MYO3A: variants seen among roughly 807,000 people sequenced by gnomAD.
The protein encoded by MYO3A is myosin-IIIa.
In MYO3A, 180 loss-of-function variants were observed where a neutral mutation model predicts 192.7. The ratio of observed to expected loss-of-function variants is 0.93; its 90% CI spans 0.83 to 1.06. The LOEUF is 1.06. MYO3A is among the 50% of genes least tolerant of loss of function. The pLI, the probability that MYO3A is intolerant of heterozygous loss-of-function variation, is 0.00. For synonymous variants in MYO3A, 628 were observed against 645.3 expected, an observed-to-expected ratio of 0.97 and a Z score of 0.41; for missense variants, 1,896 against 1,905.0, an observed-to-expected ratio of 1.00 and a Z score of 0.09.
chr10:26,053,038 T>C (rs1844097266), intron 10 of MYO3A, among the ~76,000 whole-genome samples: 1 of 152,162 alleles, frequency 6.6e-6, no homozygotes, highest in South Asian at 2.1e-4. Flanking sequence ...GGATTCCGAC[T>C]TTGCTTTTTC....
chr10:26,013,802 A>G (rs1841817884), intron 6 of MYO3A, among the ~76,000 whole-genome samples: 1 of 152,156 alleles, frequency 6.6e-6, no homozygotes, highest in Non-Finnish European at 1.5e-5. Context: ...AAGTCATTAT[A>G]TGAAAAAGAC....
chr10:26,031,981 ATGT>A (rs1842820837), intron 10 of MYO3A, among the ~76,000 whole-genome samples: 1 of 152,246 alleles, frequency 6.6e-6, no homozygotes, highest in South Asian at 2.1e-4. Context: ...TATTATTAAC[ATGT>A]TAACATCTTA....
At chr10:26,109,180 A>C (rs1487768330) in intron 17 of MYO3A, among the ~76,000 whole-genome samples, 1 of 152,204 alleles carries the variant, frequency 6.6e-6, no homozygotes, top group African/African-American at 2.4e-5. Flanking sequence ...CAAGTTGCCC[A>C]CTCTAACTTA....
intron 34 of MYO3A, among the ~76,000 whole-genome samples, chr10:26,208,594 T>A (rs868112429): frequency 3.6e-4 from 55 of 152,284 alleles, no homozygotes; most frequent in African/African-American, 1.3e-3. Context: ...AAAACAGAAA[T>A]AAGCTGAATA....
chr10:26,046,638 C>T (rs910294518), intron 10 of MYO3A, among the ~76,000 whole-genome samples: 1 of 152,206 alleles, frequency 6.6e-6, no homozygotes, highest in Non-Finnish European at 1.5e-5. Flanking sequence ...TAGCTATGTA[C>T]ACAAATAGAG....
At chr10:25,944,127 A>G (rs928190538) in intron 2 of MYO3A, among the ~76,000 whole-genome samples, 1 of 151,962 alleles carries the variant, frequency 6.6e-6, no homozygotes, top group Non-Finnish European at 1.5e-5. Context: ...AATTTTGTCA[A>G]ATGCTTTTGC....
chr10:26,020,152 C>G (rs1842227392), intron 7 of MYO3A, among the ~76,000 whole-genome samples: 1 of 152,172 alleles, frequency 6.6e-6, no homozygotes, highest in African/African-American at 2.4e-5. Flanking sequence ...TGCCCATAAA[C>G]TCGCCATCCA....
At chr10:26,179,231 T>C (rs1429424290) in intron 31 of MYO3A, among the ~76,000 whole-genome samples, 1 of 151,158 alleles carries the variant, frequency 6.6e-6, no homozygotes, top group Non-Finnish European at 1.5e-5. Context: ...CCCCAGTAGC[T>C]GGGATTACAG....
At chr10:26,189,147 A>G (rs1843002109) in intron 31 of MYO3A, among the ~76,000 whole-genome samples, 1 of 152,192 alleles carries the variant, frequency 6.6e-6, no homozygotes, top group African/African-American at 2.4e-5. Flanking sequence ...AAGAATCAAT[A>G]TTGTGAAAAT....
intron 10 of MYO3A, among the ~76,000 whole-genome samples, chr10:26,056,970 A>T (rs1387017556): frequency 1.3e-5 from 2 of 150,372 alleles, no homozygotes; most frequent in Non-Finnish European, 3.0e-5. Context: ...GAAAAAAAAA[A>T]TAGATGCCAT....
chr10:26,005,192 G>A (rs544054093), intron 6 of MYO3A, among the ~76,000 whole-genome samples: 1 of 152,218 alleles, frequency 6.6e-6, no homozygotes, highest in East Asian at 1.9e-4. Flanking sequence ...GCACCTGAGA[G>A]GATGCAATGA....
chr10:26,143,948 A>G (rs1840311894), intron 21 of MYO3A, among the ~76,000 whole-genome samples: 3 of 152,224 alleles, frequency 2.0e-5, no homozygotes. Context: ...TTGAGAAGAG[A>G]TAGTTAACAG....
intron 4 of MYO3A, among the ~76,000 whole-genome samples, chr10:25,973,635 T>C (rs1838797027): frequency 6.6e-6 from 1 of 152,164 alleles, no homozygotes; most frequent in Non-Finnish European, 1.5e-5. Flanking sequence ...TGGCTCTTAT[T>C]ATTTTGATAT....
intron 10 of MYO3A, among the ~76,000 whole-genome samples, chr10:26,058,463 G>C (rs1224233846): frequency 1.3e-5 from 2 of 152,138 alleles, no homozygotes; most frequent in Admixed American, 6.5e-5. Context: ...ACAGGTTTTT[G>C]TGTGGTTTTC....
Position 26,157,461 on chromosome 10 carries a change from G to A in MYO3A, c.2945G>A (p.Arg982Lys), listed in dbSNP as rs774003761. ...TACACAGGAATTCTGGAAACAGCAA[G>A]AATTCGAAGACTAGGATTCTCCCAT... is the stretch of plus-strand genomic sequence containing the variant. ...LRYTGILETA[R>K]IRRLGFSHRI... Residue 982 changes from arginine (R) to lysine (K), a missense_variant, in exon 26 of 35, where the codon AGA becomes AAA. Arg to Lys is a conservative substitution (Grantham distance 26). Transcript: ENST00000642920. 5 of 1,614,146 alleles carry A rather than the reference G, an allele frequency of 3.1e-6. No homozygotes were observed. The highest frequency in any genetic ancestry group is 4.2e-6 in the Non-Finnish European group (5 of 1,180,006).
intron 29 of MYO3A, 149 bp from the exon 30 acceptor site, chr10:26,173,514 T>C: frequency 1.5e-6 from 1 of 689,410 alleles, no homozygotes; most frequent in Non-Finnish European, 2.4e-6. Flanking sequence ...GGAAAGCACT[T>C]GATTAATGTG....
At chr10:25,993,145 T>G (rs1009060651) in intron 4 of MYO3A, among the ~76,000 whole-genome samples, 54 of 152,262 alleles carry the variant, frequency 3.5e-4, no homozygotes, top group African/African-American at 1.1e-3. Flanking sequence ...TCCTGGATTT[T>G]TTTTTGGTTG....
intron 4 of MYO3A, among the ~76,000 whole-genome samples, chr10:25,972,378 T>C (rs1042387164): frequency 6.6e-6 from 1 of 152,156 alleles, no homozygotes; most frequent in Admixed American, 6.5e-5. Context: ...CCTCTAGTTC[T>C]TTAAACATAT....
At chr10:26,103,955 T>A (rs1248100820) in intron 17 of MYO3A, among the ~76,000 whole-genome samples, 1 of 152,208 alleles carries the variant, frequency 6.6e-6, no homozygotes, top group Non-Finnish European at 1.5e-5. Flanking sequence ...GCTGAACTTC[T>A]TTTTCATGTA....
Sources: allele counts gnomAD v4.1 joint callset (sites outside exome capture counted in the v4.1 genomes callset), GRCh38; gene constraint gnomAD v4.1.1; transcripts MANE v1.5; gene names NCBI Gene and HGNC (gene_info 2026-07-23, HGNC 2026-07-21).